The following NFXL1 variants were observed in gnomAD, a reference collection of about 807,000 sequenced individuals.
NFXL1 encodes the protein NF-X1-type zinc finger protein NFXL1.
In NFXL1, 66 loss-of-function variants were observed where a neutral mutation model predicts 123.3. The ratio of observed to expected loss-of-function variants is 0.54; its 90% CI spans 0.44 to 0.66. NFXL1 has a LOEUF of 0.66. Among genes scored for constraint, NFXL1 ranks in the 30% least tolerant of loss-of-function variants. NFXL1 has a pLI of 0.00. For synonymous variants in NFXL1, 346 were observed against 360.8 expected (o/e 0.96, Z 0.46); for missense variants, 944 against 1,125.6 (o/e 0.84, Z 2.31).
chr4:47,896,196 A>C (rs1402704838), intron 10 of NFXL1, among the ~76,000 whole-genome samples: 1 of 152,238 alleles, frequency 6.6e-6, no homozygotes, highest in Non-Finnish European at 1.5e-5. Context: ...AAAGTCTGAA[A>C]TAGTGCAAGA....
chr4:47,865,499 A>C (rs998343919), intron 18 of NFXL1, among the ~76,000 whole-genome samples: 4 of 148,616 alleles, frequency 2.7e-5, no homozygotes, highest in Non-Finnish European at 4.4e-5. Context: ...AAAAAAAAAA[A>C]AACAACTCCT....
intron 3 of NFXL1, among the ~76,000 whole-genome samples, chr4:47,907,947 C>T (rs1711910571): frequency 1.3e-5 from 2 of 152,172 alleles, no homozygotes; most frequent in African/African-American, 4.8e-5. Context: ...CCTTGCCAAC[C>T]TAGACTTCTC....
intron 18 of NFXL1, 96 bp from the exon 19 acceptor site, chr4:47,863,011 TTA>T (rs1734851992): frequency 1.4e-6 from 1 of 701,326 alleles, no homozygotes. Context: ...ATCCATAAAA[TTA>T]TCTTTTTTCC....
chr4:47,880,380 C>T (rs987140333), intron 15 of NFXL1, among the ~76,000 whole-genome samples: 1 of 146,296 alleles, frequency 6.8e-6, no homozygotes, highest in Admixed American at 6.9e-5. Context: ...AGCAACTGCA[C>T]TCCTTCTCCA....
intron 15 of NFXL1, among the ~76,000 whole-genome samples, chr4:47,881,777 C>A (rs1405059740): frequency 6.6e-6 from 1 of 152,060 alleles, no homozygotes; most frequent in Non-Finnish European, 1.5e-5. Context: ...AGAAGCCAGT[C>A]TGAAAATGCT....
At chr4:47,854,151 C>A (rs932584287) in intron 20 of NFXL1, among the ~76,000 whole-genome samples, 7 of 152,128 alleles carry the variant, frequency 4.6e-5, no homozygotes, top group Admixed American at 3.9e-4. Context: ...TTCAGAAGTT[C>A]CCTATCCTAG....
chr4:47,881,740 G>C (rs1169061726), intron 15 of NFXL1, among the ~76,000 whole-genome samples: 1 of 152,030 alleles, frequency 6.6e-6, no homozygotes, highest in African/African-American at 2.4e-5. Context: ...AGACACAGAG[G>C]AACCATAAAA....
intron 22 of NFXL1, among the ~76,000 whole-genome samples, chr4:47,850,783 T>C (rs1734072304): frequency 6.6e-6 from 1 of 152,076 alleles, no homozygotes; most frequent in African/African-American, 2.4e-5. Context: ...ATGGTGATGA[T>C]TCGCTCACTC....
At chr4:47,903,060 C>T (rs544745167) in intron 5 of NFXL1, 133 bp downstream of exon 5, 4 of 429,710 alleles carry the variant, frequency 9.3e-6, no homozygotes, top group African/African-American at 2.1e-5. Flanking sequence ...GAGGCTGAGA[C>T]AGGAGAATCT....
intron 19 of NFXL1, among the ~76,000 whole-genome samples, chr4:47,856,109 C>T (rs1233911095): frequency 6.6e-6 from 1 of 152,006 alleles, no homozygotes; most frequent in Non-Finnish European, 1.5e-5. Flanking sequence ...AAATAAAATA[C>T]ACTATTTGTT....
At chr4:47,851,767 T>A (rs1242093061) in intron 21 of NFXL1, 89 bp downstream of exon 21, 2 of 808,538 alleles carry the variant, frequency 2.5e-6, no homozygotes, top group Non-Finnish European at 3.9e-6. Flanking sequence ...AAAAATGAGA[T>A]TTCAAGTTGT....
chr4:47,884,498 G>T, intron 14 of NFXL1, 61 bp from the exon 15 acceptor site: 3 of 1,037,406 alleles, frequency 2.9e-6, no homozygotes, highest in South Asian at 1.4e-5. Flanking sequence ...GCCATTTTAA[G>T]AATCTAAGAA....
intron 17 of NFXL1, among the ~76,000 whole-genome samples, chr4:47,877,790 T>C (rs1434364557): frequency 6.6e-6 from 1 of 152,116 alleles, no homozygotes; most frequent in African/African-American, 2.4e-5. Context: ...GTCATATTAA[T>C]AATTTAAATA....
At chr4:47,873,917 A>AACTTGCTGCAGCTTCTGCATCAGC (rs1735588577) in intron 18 of NFXL1, among the ~76,000 whole-genome samples, 1 of 152,246 alleles carries the variant, frequency 6.6e-6, no homozygotes, top group African/African-American at 2.4e-5. Flanking sequence ...CTTCTTAGAT[A>AACTTGCTGCAGCTTCTGCATCAGC]ACTTGCTGCA....
chr4:47,871,418 A>C (rs1735425601), intron 18 of NFXL1, among the ~76,000 whole-genome samples: 1 of 152,120 alleles, frequency 6.6e-6, no homozygotes, highest in Non-Finnish European at 1.5e-5. Context: ...TATGCTCTAG[A>C]ATACTTTATG....
At chr4:47,848,511 G>A (rs1172407748) in intron 22 of NFXL1, among the ~76,000 whole-genome samples, 175 bp from the exon 23 acceptor site, 3 of 152,126 alleles carry the variant, frequency 2.0e-5, no homozygotes, top group African/African-American at 7.2e-5. Flanking sequence ...AACAAATTCA[G>A]GGTTTAGGTA....
intron 11 of NFXL1, among the ~76,000 whole-genome samples, chr4:47,891,859 C>T (rs959990760): frequency 4.0e-5 from 6 of 151,592 alleles, no homozygotes; most frequent in African/African-American, 1.5e-4. Context: ...ATTGCTTGAA[C>T]ATGGGAGGCA....
intron 2 of NFXL1, among the ~76,000 whole-genome samples, chr4:47,913,579 A>G (rs949043437): frequency 6.6e-6 from 1 of 152,238 alleles, no homozygotes; most frequent in Non-Finnish European, 1.5e-5. Flanking sequence ...CTAAAGCCAC[A>G]AGGTTGTTAA....
At chr4:47,896,475 A>C (rs888530414) in intron 10 of NFXL1, 48 bp downstream of exon 10, 2 of 1,467,062 alleles carry the variant, frequency 1.4e-6, no homozygotes, top group African/African-American at 2.8e-5. Context: ...CATTTGATAC[A>C]TTATGATAGG....
Sources: allele counts gnomAD v4.1 joint callset (sites outside exome capture counted in the v4.1 genomes callset), GRCh38; gene constraint gnomAD v4.1.1; transcripts MANE v1.5; gene names NCBI Gene and HGNC (gene_info 2026-07-23, HGNC 2026-07-21).